The following EPS8 variants were observed in gnomAD, a reference collection of about 807,000 sequenced individuals.
EPS8 encodes the protein EGFR pathway substrate 8, signaling adaptor, also known as epidermal growth factor receptor kinase substrate 8.
A neutral mutation model predicts 103.8 loss-of-function variants in EPS8; 42 were observed. The observed-to-expected ratio is 0.40, with a 90% confidence interval of 0.32 to 0.52. EPS8 has a LOEUF of 0.52. Among genes scored for constraint, EPS8 ranks in the 20% least tolerant of loss-of-function variants. The pLI is 0.40. For synonymous variants in EPS8, 344 were observed against 344.6 expected, an observed-to-expected ratio of 1.00 and a Z score of 0.02; for missense variants, 969 against 1,005.1, an observed-to-expected ratio of 0.96 and a Z score of 0.49.
intron 13 of EPS8, among the ~76,000 whole-genome samples, chr12:15,651,867 T>C (rs991728040): frequency 6.6e-6 from 1 of 152,174 alleles, no homozygotes; most frequent in Non-Finnish European, 1.5e-5. Context: ...CTCTTAACAA[T>C]CAGGATCTAA....
At chr12:15,653,330 G>T (rs979863562) in intron 13 of EPS8, among the ~76,000 whole-genome samples, 2 of 152,116 alleles carry the variant, frequency 1.3e-5, no homozygotes, top group African/African-American at 4.8e-5. Context: ...GTTCTCCACA[G>T]CCTACAGAAC....
intron 17 of EPS8, among the ~76,000 whole-genome samples, chr12:15,636,714 C>T (rs957988061): frequency 2.6e-5 from 4 of 152,184 alleles, no homozygotes; most frequent in Admixed American, 6.5e-5. Flanking sequence ...TGGTGACTCA[C>T]AGATGTTGCA....
rs1246838155 is a variant in EPS8, at chr12:15,696,120, G to A, written c.-21-13148C>T. Among the ~76,000 whole-genome samples, 3 of 152,060 alleles carry A rather than the reference G, an allele frequency of 2.0e-5. No homozygotes were observed. The highest frequency in any genetic ancestry group is 2.9e-5 in the Non-Finnish European group (2 of 68,018). On this transcript the variant is annotated intron_variant, in intron 1 of 20. Transcript: ENST00000281172. The surrounding 1 kb of genome is among the most constrained non-coding windows in gnomAD (Gnocchi z 4.8). ...ATAATTAGTCTACCTTTAAAACAAAGAATTTATGCATTTATTGAAAGTGTT... is the reference window on the plus strand; with the variant it reads ...ATAATTAGTCTACCTTTAAAACAAAAAATTTATGCATTTATTGAAAGTGTT...
chr12:15,736,544 C>A lies in EPS8; in HGVS notation c.-22+52617G>T, dbSNP rs993744185. On this transcript the variant is annotated intron_variant, in intron 1 of 20. Transcript: ENST00000281172. This position sits in a 1 kb window ranked among gnomAD's most constrained non-coding sequence, Gnocchi z 4.2. ...TTCTGCATTTTACTCACAGAAGATGCCCTCAAGCTTGGTTAAGATCTTATT... is the reference window on the plus strand; with the variant it reads ...TTCTGCATTTTACTCACAGAAGATGACCTCAAGCTTGGTTAAGATCTTATT... 6.6e-6 allele frequency among the ~76,000 whole-genome samples: 1 copy of A among 152,120 alleles called. No individual in the cohort carries two copies. The highest frequency in any genetic ancestry group is 1.5e-5 in the Non-Finnish European group (1 of 68,018).
At chr12:15,724,175 A>G (rs1460195336) in intron 1 of EPS8, among the ~76,000 whole-genome samples, 4 of 152,158 alleles carry the variant, frequency 2.6e-5, no homozygotes, top group African/African-American at 7.2e-5. Context: ...TGTGTACTTT[A>G]TGTATAAGGT....
intron 19 of EPS8, 32 bp downstream of exon 19, chr12:15,624,195 C>A (rs1426409158): frequency 1.3e-6 from 2 of 1,580,304 alleles, no homozygotes; most frequent in Non-Finnish European, 1.7e-6. Context: ...GTTGTACACA[C>A]AGAATTGCAA....
rs1946757671 is a variant in EPS8 at position 15,735,328 on chromosome 12, A to C, written c.-21-52356T>G. On this transcript the variant is annotated intron_variant, in intron 1 of 20. Transcript: ENST00000281172. The surrounding 1 kb of genome is among the most constrained non-coding windows in gnomAD (Gnocchi z 4.4). ...TGCTTTTGCTTAAGAAATATATTTC[A>C]TTCTTCCCTATACTTTTTTGCTCCC... Among the ~76,000 whole-genome samples, 1 of 152,220 alleles carries C rather than the reference A, an allele frequency of 6.6e-6. No homozygotes were observed.
intron 14 of EPS8, among the ~76,000 whole-genome samples, chr12:15,649,114 A>G (rs995153370): frequency 1.1e-4 from 16 of 152,238 alleles, no homozygotes; most frequent in Non-Finnish European, 5.9e-5. Context: ...TAACTACTTC[A>G]GCCATAAAAT....
chr12:15,747,786 C>T lies in EPS8; in HGVS notation c.-22+41375G>A, dbSNP rs1372336158. 3.3e-5 allele frequency among the ~76,000 whole-genome samples: 5 copies of T among 152,024 alleles called. No individual in the cohort carries two copies. Among genetic ancestry groups the T allele is most frequent in the Admixed American group, 1.3e-4 (2 of 15,252 alleles). ...CTGTAATCCCAGCACTTTGGGAGGCCGAGGTGGGCGGATCACGAGGTCAGG... is the reference window on the plus strand; with the variant it reads ...CTGTAATCCCAGCACTTTGGGAGGCTGAGGTGGGCGGATCACGAGGTCAGG... On this transcript the variant is annotated intron_variant, in intron 1 of 20. Coordinates refer to ENST00000281172, the MANE Select transcript of EPS8 (RefSeq NM_004447.6). This position sits in a 1 kb window ranked among gnomAD's most constrained non-coding sequence, Gnocchi z 4.4.
At chr12:15,683,785 GTTTCT>G (rs1946048881) in intron 1 of EPS8, 1 of 152,022 alleles carries the variant, frequency 6.6e-6, no homozygotes. Flanking sequence ...TACCCAATTT[GTTTCT>G]TTTCACTCCT....
At chr12:15,656,478 T>G (rs1035013195) in intron 12 of EPS8, among the ~76,000 whole-genome samples, 2 of 152,206 alleles carry the variant, frequency 1.3e-5, no homozygotes, top group African/African-American at 4.8e-5. Flanking sequence ...CTGACATTCA[T>G]GTTGATAATG....
Position 15,669,683 on chromosome 12 carries a change from A to C in EPS8, c.347T>G (p.Leu116Arg). Residue 116 changes from leucine (L) to arginine (R), a missense_variant, in exon 5 of 21, where the codon CTG becomes CGG. Coordinates refer to ENST00000281172, the MANE Select transcript of EPS8 (RefSeq NM_004447.6). The part of the protein sequence containing the change: ...ILQVDDRAVS[L>R]IDLESKNELE... ...ACTTGCCTTTGATTCTAAATCAATC[A>C]GGCTCACAGCTCTGTCATCCACTTG... 1 of 1,602,236 alleles carries C rather than the reference A, an allele frequency of 6.2e-7. No homozygotes were observed. The highest frequency in any genetic ancestry group is 1.3e-5 in the African/African-American group (1 of 74,250).
In EPS8 at chr12:15,779,123, T is replaced by C. The variant is rs1947235220; in HGVS notation, c.-22+10038A>G. 6.6e-6 allele frequency among the ~76,000 whole-genome samples: 1 copy of C among 151,944 alleles called. No homozygotes were observed. Among genetic ancestry groups the C allele is most frequent in the Admixed American group, 6.6e-5 (1 of 15,242 alleles). On this transcript the variant is annotated intron_variant, in intron 1 of 20. Coordinates refer to ENST00000281172, the MANE Select transcript of EPS8 (RefSeq NM_004447.6). This position sits in a 1 kb window ranked among gnomAD's most constrained non-coding sequence, Gnocchi z 4.3. ...CCTCCCGAGTAGCTGGGATTACAGG[T>C]ATGTGCCTCCAAGCCCGGCTAATTT...
rs577407167 is a variant in EPS8 at position 15,697,304 on chromosome 12, A to C, written c.-21-14332T>G. 1.1e-4 allele frequency among the ~76,000 whole-genome samples: 16 copies of C among 152,370 alleles called. No individual in the cohort carries two copies. The East Asian group carries it at 2.3e-3, about 22-fold the overall frequency. On this transcript the variant is annotated intron_variant, in intron 1 of 20. Transcript: ENST00000281172. This position sits in a 1 kb window ranked among gnomAD's most constrained non-coding sequence, Gnocchi z 5.6. Reference sequence around the variant, plus strand: ...AACTGCTGTCCCCCATTCTAAGCCAAATGGTGGTACAAAATCAGGGCATGA... The same window carrying C: ...AACTGCTGTCCCCCATTCTAAGCCACATGGTGGTACAAAATCAGGGCATGA...
chr12:15,629,397 G>A (rs1263633272), intron 18 of EPS8, among the ~76,000 whole-genome samples: 1 of 152,188 alleles, frequency 6.6e-6, no homozygotes, highest in African/African-American at 2.4e-5. Flanking sequence ...TCTACGGAGG[G>A]AAATGCTATA....
chr12:15,693,567 G>A lies in EPS8; in HGVS notation c.-21-10595C>T, dbSNP rs1403143351. On this transcript the variant is annotated intron_variant, in intron 1 of 20. Transcript: ENST00000281172. The surrounding 1 kb of genome is among the most constrained non-coding windows in gnomAD (Gnocchi z 5.6). The stretch of plus-strand genomic sequence containing the variant: ...AGTAGCTTAGGTTTCAGCATGTAAG[G>A]ACTTCTAGGTTAATCACAATTATCC... Among the ~76,000 whole-genome samples the A allele has an allele frequency of 6.6e-6, 1 of 152,148 alleles. No individual in the cohort carries two copies. Among genetic ancestry groups the A allele is most frequent in the Non-Finnish European group, 1.5e-5 (1 of 68,030 alleles).
At position 15,713,058 on chromosome 12, in the gene EPS8, TTAAG is replaced by T; in HGVS notation, c.-21-30090_-21-30087del. The stretch of plus-strand genomic sequence containing the variant: ...CGTTAACTAAGATTTCCTCCTCTTG[TTAAG>T]TAAGTAAACACAGCTACCACTACAC... On this transcript the variant is annotated intron_variant, in intron 1 of 20. Transcript: ENST00000281172. The surrounding 1 kb of genome is among the most constrained non-coding windows in gnomAD (Gnocchi z 4.8). 1.1e-6 allele frequency: 1 copy of T among 918,528 alleles called. No homozygotes were observed. Among genetic ancestry groups the T allele is most frequent in the Non-Finnish European group, 1.3e-6 (1 of 768,834 alleles). The allele number at this position is 918,528 out of a possible 1,614,324, so 56.9% of individuals were successfully genotyped here. A position where few individuals can be genotyped will look rare whatever the true frequency, so the allele number is the denominator to read the frequency against.
rs1029027349 is a variant in EPS8, at chr12:15,738,149, T to C, written c.-22+51012A>G. Among the ~76,000 whole-genome samples, 18 of 152,194 alleles carry C rather than the reference T, an allele frequency of 1.2e-4. No individual in the cohort carries two copies. The highest frequency in any genetic ancestry group is 2.0e-4 in the Admixed American group (3 of 15,270). The stretch of plus-strand genomic sequence containing the variant: ...GTTTAATACATAGTAGCTAATATTT[T>C]AATTGTGAATATCTAACTATTATTC... On this transcript the variant is annotated intron_variant, in intron 1 of 20. Transcript: ENST00000281172. This position sits in a 1 kb window ranked among gnomAD's most constrained non-coding sequence, Gnocchi z 6.2.
At chr12:15,680,093 G>A (rs1374089185) in intron 3 of EPS8, among the ~76,000 whole-genome samples, 1 of 152,004 alleles carries the variant, frequency 6.6e-6, no homozygotes, top group Admixed American at 6.6e-5. Flanking sequence ...TTAATAAACT[G>A]AAACCAACAA....
Sources: allele counts gnomAD v4.1 joint callset (sites outside exome capture counted in the v4.1 genomes callset), GRCh38; gene constraint gnomAD v4.1.1; non-coding constraint Gnocchi (gnomAD v3.1); transcripts MANE v1.5; gene names NCBI Gene and HGNC (gene_info 2026-07-23, HGNC 2026-07-21).